FAAH2: variants seen among roughly 807,000 people sequenced by gnomAD.
FAAH2 encodes fatty acid amide hydrolase 2, also known as fatty-acid amide hydrolase 2.
In FAAH2, 60 loss-of-function variants were observed where a neutral mutation model predicts 36.9. The ratio of observed to expected loss-of-function variants is 1.63; its 90% confidence interval spans 1.32 to 2.02. FAAH2 has a LOEUF of 2.02. FAAH2 is among the 30% of genes most tolerant of loss of function. The probability of loss-of-function intolerance (pLI) is 0.00; values close to 1 mark genes in which losing one functional copy is unlikely to be tolerated. For synonymous variants in FAAH2, 214 were observed against 143.8 expected (o/e 1.49, Z -3.49); for missense variants, 689 against 397.5 (o/e 1.73, Z -6.23).
chrX:57,429,159 C>A (rs1418813386), intron 7 of FAAH2, among the ~76,000 whole-genome samples: 2 of 109,211 alleles, frequency 1.8e-5, no homozygotes, highest in Non-Finnish European at 1.9e-5. Context: ...CACGGTGAAA[C>A]CCCATCTCTA....
intron 10 of FAAH2, among the ~76,000 whole-genome samples, chrX:57,463,459 A>T (rs753805644): frequency 4.5e-5 from 5 of 111,515 alleles, no homozygotes; most frequent in Non-Finnish European, 9.4e-5. Context: ...ACCAAAACAG[A>T]TATATAGACC....
At chrX:57,479,822 C>T (rs1367221207) in intron 10 of FAAH2, among the ~76,000 whole-genome samples, 1 of 110,555 alleles carries the variant, frequency 9.0e-6, no homozygotes, top group African/African-American at 3.3e-5. Context: ...GGGATGAAAC[C>T]CACTTGATCA....
the FAAH2 span, among the ~76,000 whole-genome samples, chrX:57,223,405 T>C: frequency 8.9e-6 from 1 of 111,914 alleles, no homozygotes; most frequent in South Asian, 3.8e-4. Context: ...GGAAAGGTGC[T>C]TTATTCTTCC....
At chrX:57,365,458 A>G (rs1441810846) in intron 5 of FAAH2, among the ~76,000 whole-genome samples, 1 of 111,679 alleles carries the variant, frequency 9.0e-6, no homozygotes, top group Non-Finnish European at 1.9e-5. Flanking sequence ...TTTGTAGGTG[A>G]CATGCTCCTT....
chrX:57,324,590 C>T (rs1207610525), intron 3 of FAAH2, among the ~76,000 whole-genome samples: 41 of 111,585 alleles, frequency 3.7e-4, no homozygotes, highest in African/African-American at 1.3e-3. Context: ...GTATTTTATT[C>T]TCTTTGAAGC....
chrX:57,269,934 G>T, the FAAH2 span, among the ~76,000 whole-genome samples: 3 of 110,418 alleles, frequency 2.7e-5, no homozygotes, highest in Non-Finnish European at 5.7e-5. Flanking sequence ...ACAAATCCAG[G>T]AGCTGCTTTT....
At chrX:57,435,827 C>T (rs1007037491) in intron 8 of FAAH2, among the ~76,000 whole-genome samples, 2 of 111,168 alleles carry the variant, frequency 1.8e-5, no homozygotes, top group Admixed American at 1.9e-4. Context: ...CTTATTTGGA[C>T]TTTAGGTGCA....
chrX:57,291,547 A>G (rs2051984895), intron 1 of FAAH2, among the ~76,000 whole-genome samples: 1 of 112,008 alleles, frequency 8.9e-6, no homozygotes, highest in African/African-American at 3.2e-5. Context: ...TGGCAGGGGA[A>G]TTCAGTCCTT....
At chrX:57,454,390 G>A (rs964043940) in intron 10 of FAAH2, among the ~76,000 whole-genome samples, 7 of 111,495 alleles carry the variant, frequency 6.3e-5, no homozygotes, top group African/African-American at 2.0e-4. Flanking sequence ...TCCAAGAACT[G>A]GCAACTCAAA....
chrX:57,432,038 G>T lies in FAAH2; in HGVS notation c.1116+1G>T. ...GTCAGCAAAGGGACATGATGGGAAGGTATTTTTACCTCTTTCTTTACTTAC... is the reference window on the plus strand; with the variant it reads ...GTCAGCAAAGGGACATGATGGGAAGTTATTTTTACCTCTTTCTTTACTTAC... On this transcript the variant is annotated splice_donor_variant, in intron 8 of 10. Coordinates refer to ENST00000374900, the MANE Select transcript of FAAH2 (RefSeq NM_174912.4). LOFTEE classifies it high-confidence loss of function. 4 of 1,190,291 alleles carry T rather than the reference G, an allele frequency of 3.4e-6. No homozygotes were observed. The highest frequency in any genetic ancestry group is 4.5e-6 in the Non-Finnish European group (4 of 883,685).
chrX:57,140,415 A>AC, the FAAH2 span, among the ~76,000 whole-genome samples: 17 of 70,828 alleles, frequency 2.4e-4, no homozygotes, highest in East Asian at 6.4e-3. Flanking sequence ...CCCCATCTCT[A>AC]CCAAAAAAAA....
At chrX:57,137,204 C>G in the FAAH2 span, 1 of 758,910 alleles carries the variant, frequency 1.3e-6, no homozygotes, top group South Asian at 6.5e-5. Context: ...AATGGCCTTG[C>G]CCTGCCTGGC....
chrX:57,443,827 C>G (rs766376020), intron 8 of FAAH2, among the ~76,000 whole-genome samples: 12 of 112,366 alleles, frequency 1.1e-4, no homozygotes, highest in Admixed American at 9.4e-4. Context: ...AGTTTTCCTT[C>G]TAACAGTCAG....
chrX:57,392,735 T>C, intron 7 of FAAH2: 1 of 609,686 alleles, frequency 1.6e-6, no homozygotes, highest in Non-Finnish European at 2.9e-6. Context: ...TCATCGTTCC[T>C]ACTAAAGGGT....
intron 2 of FAAH2, among the ~76,000 whole-genome samples, chrX:57,305,988 A>G (rs1360512815): frequency 8.9e-6 from 1 of 112,194 alleles, no homozygotes; most frequent in Non-Finnish European, 1.9e-5. Flanking sequence ...GCTCACATCC[A>G]GAGAAGCTTT....
At chrX:57,405,222 C>T (rs1030285107) in intron 7 of FAAH2, among the ~76,000 whole-genome samples, 1 of 111,452 alleles carries the variant, frequency 9.0e-6, no homozygotes, top group African/African-American at 3.3e-5. Flanking sequence ...TCCTTGCTCC[C>T]AGAGCTCCCA....
At chrX:57,470,129 T>C (rs929494842) in intron 10 of FAAH2, among the ~76,000 whole-genome samples, 10 of 111,389 alleles carry the variant, frequency 9.0e-5, no homozygotes, top group African/African-American at 3.3e-4. Context: ...TAGCACTAAA[T>C]GCCCACAAGA....
At chrX:57,273,637 T>G in the FAAH2 span, among the ~76,000 whole-genome samples, 2 of 111,607 alleles carry the variant, frequency 1.8e-5, no homozygotes, top group Non-Finnish European at 3.8e-5. Context: ...ACATGGAAAC[T>G]GAACAACCTG....
At chrX:57,456,932 TGCATTCTATGAATCCAGCA>T (rs1371090009) in intron 10 of FAAH2, among the ~76,000 whole-genome samples, 2 of 111,682 alleles carry the variant, frequency 1.8e-5, no homozygotes, top group African/African-American at 6.5e-5. Flanking sequence ...TTCTCCCTAA[TGCATTCTATGAATCCAGCA>T]GCATTCTGAT....
Sources: gnomAD v4.1 joint callset for allele counts (sites outside exome capture counted in the v4.1 genomes callset) on GRCh38, gnomAD v4.1.1 for gene constraint, MANE v1.5 for transcripts, NCBI Gene and HGNC (gene_info 2026-07-23, HGNC 2026-07-21) for gene names.